The following MYCBP2 variants were observed in gnomAD, a reference collection of about 807,000 sequenced individuals.
MYCBP2 encodes the protein MYC binding protein 2.
A neutral mutation model predicts 525.3 loss-of-function variants in MYCBP2; 120 were observed. That is an observed-to-expected ratio of 0.23 (90% CI 0.20 to 0.27). MYCBP2 has a LOEUF of 0.27. Ranked by LOEUF, MYCBP2 falls within the 10% of genes least tolerant of loss-of-function variation. MYCBP2 has a pLI of 1.00. For synonymous variants in MYCBP2, 1,894 were observed against 1,955.8 expected (o/e 0.97, Z 0.83); for missense variants, 4,149 against 5,657.1 (o/e 0.73, Z 8.55).
intron 1 of MYCBP2, among the ~76,000 whole-genome samples, chr13:77,309,721 C>G (rs1364737426): frequency 6.6e-6 from 1 of 152,124 alleles, no homozygotes; most frequent in Non-Finnish European, 1.5e-5. Context: ...TAAAGGTAGC[C>G]CTGCTTTGCA....
intron 53 of MYCBP2, among the ~76,000 whole-genome samples, chr13:77,126,103 C>T (rs544032593): frequency 6.6e-6 from 1 of 152,198 alleles, no homozygotes; most frequent in East Asian, 1.9e-4. Flanking sequence ...ATATACAATA[C>T]AAATCATTTG....
intron 1 of MYCBP2, among the ~76,000 whole-genome samples, chr13:77,312,830 T>A (rs1046334854): frequency 3.9e-5 from 6 of 152,034 alleles, no homozygotes; most frequent in African/African-American, 1.4e-4. Flanking sequence ...GATTTCTTTT[T>A]TTAAGGGCAA....
intron 55 of MYCBP2, chr13:77,099,261 T>A (rs2046712137): frequency 2.0e-6 from 1 of 503,912 alleles, no homozygotes; most frequent in Non-Finnish European, 3.5e-6. Context: ...ACAAATCCAG[T>A]GTGAACTATC....
chr13:77,271,692 A>G (rs137962761), intron 5 of MYCBP2, among the ~76,000 whole-genome samples: 3,395 of 152,278 alleles, frequency 0.022, 57 homozygotes, highest in Middle Eastern at 0.075. Context: ...TCCACGTAAG[A>G]CATGACTTGC....
At chr13:77,128,460 G>T (rs956933615) in intron 52 of MYCBP2, among the ~76,000 whole-genome samples, 1 of 151,696 alleles carries the variant, frequency 6.6e-6, no homozygotes, top group African/African-American at 2.4e-5. Flanking sequence ...GATCATTCAG[G>T]GTAACACTGG....
intron 18 of MYCBP2, among the ~76,000 whole-genome samples, chr13:77,228,415 G>A (rs1424262320): frequency 6.6e-6 from 1 of 151,712 alleles, no homozygotes; most frequent in East Asian, 1.9e-4. Flanking sequence ...GCTGAGGTGG[G>A]AGAATCACCT....
chr13:77,325,641 A>G (rs977147232), intron 1 of MYCBP2, among the ~76,000 whole-genome samples: 5 of 152,236 alleles, frequency 3.3e-5, no homozygotes, highest in African/African-American at 9.6e-5. Context: ...CAGCTGTCAT[A>G]TTCTGAAGTT....
At chr13:77,289,480 C>A (rs1043938241) in intron 2 of MYCBP2, among the ~76,000 whole-genome samples, 1 of 151,438 alleles carries the variant, frequency 6.6e-6, no homozygotes, top group Non-Finnish European at 1.5e-5. Context: ...ACAGAAAGAT[C>A]ACTTGACAAA....
intron 1 of MYCBP2, among the ~76,000 whole-genome samples, chr13:77,312,913 C>G (rs1567231370): frequency 6.6e-6 from 1 of 151,896 alleles, no homozygotes; most frequent in Non-Finnish European, 1.5e-5. Flanking sequence ...CACTTATCAT[C>G]CAACTTTAAC....
intron 44 of MYCBP2, among the ~76,000 whole-genome samples, chr13:77,160,073 T>C (rs1396854894): frequency 1.9e-4 from 29 of 151,618 alleles, no homozygotes; most frequent in Admixed American, 1.9e-3. Context: ...AACTTTTTTT[T>C]TTTTTTTTTT....
At chr13:77,190,493 G>C (rs2061195599) in intron 28 of MYCBP2, among the ~76,000 whole-genome samples, 158 bp from the exon 29 acceptor site, 1 of 152,152 alleles carries the variant, frequency 6.6e-6, no homozygotes, top group African/African-American at 2.4e-5. Context: ...TTCTAGCTCT[G>C]AATGGGTTAG....
chr13:77,112,165 T>C (rs1337932800), intron 55 of MYCBP2, among the ~76,000 whole-genome samples: 2 of 151,806 alleles, frequency 1.3e-5, no homozygotes, highest in Non-Finnish European at 2.9e-5. Context: ...CCTATTTTAC[T>C]TAGAAAAAAG....
intron 78 of MYCBP2, 30 bp from the exon 79 acceptor site, chr13:77,057,123 C>T: frequency 6.9e-7 from 1 of 1,455,748 alleles, no homozygotes; most frequent in African/African-American, 1.4e-5. Context: ...AGGACATAAG[C>T]AAATATAATA....
intron 26 of MYCBP2, among the ~76,000 whole-genome samples, chr13:77,203,175 C>T (rs1181979970): frequency 1.3e-5 from 2 of 152,222 alleles, no homozygotes; most frequent in Non-Finnish European, 2.9e-5. Context: ...CCTCCTTAAG[C>T]TGATAAACAA....
At chr13:77,124,810 G>A (rs1410693621) in intron 54 of MYCBP2, among the ~76,000 whole-genome samples, 1 of 151,744 alleles carries the variant, frequency 6.6e-6, no homozygotes, top group Non-Finnish European at 1.5e-5. Flanking sequence ...AAGAGAGGGG[G>A]ACAAAAAGGA....
intron 57 of MYCBP2, among the ~76,000 whole-genome samples, chr13:77,095,965 GA>G (rs2154126235): frequency 6.6e-6 from 1 of 151,948 alleles, no homozygotes; most frequent in Admixed American, 6.6e-5. Flanking sequence ...TATGGAATAG[GA>G]AAACAAAGGA....
At position 77,126,383 on chromosome 13, in the gene MYCBP2, G is replaced by C. The variant is rs2051678846; in HGVS notation, c.7819C>G (p.Pro2607Ala). The C allele has an allele frequency of 1.9e-6, 3 of 1,613,704 alleles. No individual in the cohort carries two copies. The highest frequency in any genetic ancestry group is 2.5e-6 in the Non-Finnish European group (3 of 1,179,834). ...GPSGHNIRSC[P>A]NLRGIPIGML... is the part of the protein sequence containing the mutation. The stretch of plus-strand genomic sequence containing the variant: ...CCAATTGGGATACCTCTAAGGTTAG[G>C]GCAGCTTCTGATGTTGTGACCTGAA... The change falls in exon 53 of 83, where the codon CCT becomes GCT. Residue 2607 changes from proline to alanine, a missense_variant. By Grantham distance (27) the Pro-to-Ala change is conservative. Around this residue, in one of 21 missense-constraint regions of MYCBP2, gnomAD observed 5 missense variants for 23.4 expected, o/e 0.21. Coordinates refer to ENST00000544440, the MANE Select transcript of MYCBP2 (RefSeq NM_015057.5).
chr13:77,299,993 A>C (rs1594770217), intron 1 of MYCBP2, among the ~76,000 whole-genome samples: 2 of 152,210 alleles, frequency 1.3e-5, no homozygotes, highest in East Asian at 1.9e-4. Context: ...ATTCAGTGAT[A>C]TAGATCAATA....
rs560017525 is a variant in MYCBP2, at chr13:77,157,811, C to T, written c.6770+126G>A. ...TATTAACTATCATTTTATATTTCAG[C>T]AAGTTAAACATACATAAACCAGACT... On this transcript the variant is annotated intron_variant, in intron 45 of 82. Transcript: ENST00000544440. 3.7e-4 allele frequency: 271 copies of T among 737,296 alleles called. 3 individuals are homozygous for T. The East Asian group carries it at 7.9e-3, about 21-fold the overall frequency. 45.7% of individuals were successfully genotyped at this position (737,296 alleles called of 1,614,324 possible).
Sources: allele counts gnomAD v4.1 joint callset (sites outside exome capture counted in the v4.1 genomes callset), GRCh38; gene constraint gnomAD v4.1.1; regional missense constraint gnomAD v4.1.1; transcripts MANE v1.5; gene names NCBI Gene and HGNC (gene_info 2026-07-23, HGNC 2026-07-21).